The following RABGAP1L variants were observed in gnomAD, a reference collection of about 807,000 sequenced individuals.
RABGAP1L encodes the protein RAB GTPase activating protein 1 like, also known as rab GTPase-activating protein 1-like.
RABGAP1L carries 63 observed loss-of-function variants against 137.7 expected under a neutral mutation model. That is an observed-to-expected ratio of 0.46 (90% CI 0.37 to 0.56). RABGAP1L has a LOEUF of 0.56. Ranked by LOEUF, RABGAP1L falls within the 20% of genes least tolerant of loss-of-function variation. The pLI is 0.00. For missense variants in RABGAP1L, 1,095 were observed against 1,244.0 expected, an observed-to-expected ratio of 0.88 and a Z score of 1.80; for synonymous variants, 431 against 433.7, an observed-to-expected ratio of 0.99 and a Z score of 0.08.
chr1:174,455,168 G>C (rs1405549705), intron 13 of RABGAP1L, among the ~76,000 whole-genome samples: 1 of 152,086 alleles, frequency 6.6e-6, no homozygotes, highest in Non-Finnish European at 1.5e-5. Flanking sequence ...AGCCAAATTA[G>C]TTTTTGAGAT....
intron 20 of RABGAP1L, among the ~76,000 whole-genome samples, chr1:174,960,338 AAC>A (rs757084128): frequency 5.2e-4 from 79 of 152,352 alleles, no homozygotes; most frequent in Non-Finnish European, 9.3e-4. Flanking sequence ...GGTAGCTCTC[AAC>A]AGTCATACTT....
intron 10 of RABGAP1L, among the ~76,000 whole-genome samples, chr1:174,292,223 G>T (rs1365773288): frequency 6.7e-6 from 1 of 150,100 alleles, no homozygotes; most frequent in Non-Finnish European, 1.5e-5. Context: ...TATGGATGGG[G>T]TGTTGCTATG....
intron 19 of RABGAP1L, among the ~76,000 whole-genome samples, chr1:174,925,888 T>TG (rs746763318): frequency 0.17 from 18,001 of 108,018 alleles, 1,461 homozygotes; most frequent in South Asian, 0.22. Flanking sequence ...TTTTTTTTTG[T>TG]GTTTTTTTTT....
chr1:174,690,003 C>T (rs1211855352), intron 15 of RABGAP1L, among the ~76,000 whole-genome samples: 2 of 152,178 alleles, frequency 1.3e-5, no homozygotes, highest in Non-Finnish European at 2.9e-5. Flanking sequence ...AAGAAGCATT[C>T]ATTTTCCTAT....
intron 11 of RABGAP1L, among the ~76,000 whole-genome samples, chr1:174,351,139 C>G (rs1683149618): frequency 6.7e-6 from 1 of 149,924 alleles, no homozygotes; most frequent in Admixed American, 6.7e-5. Flanking sequence ...TTGTCTAACT[C>G]TTGAAAAGTT....
intron 19 of RABGAP1L, among the ~76,000 whole-genome samples, chr1:174,867,009 AC>A (rs1488660471): frequency 1.3e-5 from 2 of 151,606 alleles, no homozygotes; most frequent in Non-Finnish European, 2.9e-5. Context: ...GATCACTTGA[AC>A]CCAGGAGGTT....
intron 19 of RABGAP1L, among the ~76,000 whole-genome samples, chr1:174,870,129 A>G (rs1177380737): frequency 6.6e-6 from 1 of 152,188 alleles, no homozygotes; most frequent in Non-Finnish European, 1.5e-5. Flanking sequence ...GAATTTAGTA[A>G]TCTTCAATGA....
intron 14 of RABGAP1L, among the ~76,000 whole-genome samples, chr1:174,667,809 T>C (rs1280919446): frequency 6.6e-6 from 1 of 152,170 alleles, no homozygotes; most frequent in Non-Finnish European, 1.5e-5. Flanking sequence ...CACTGTGCAC[T>C]ATTTCATTGT....
At chr1:174,504,579 T>C (rs545653264) in intron 13 of RABGAP1L, among the ~76,000 whole-genome samples, 1 of 152,268 alleles carries the variant, frequency 6.6e-6, no homozygotes, top group Non-Finnish European at 1.5e-5. Context: ...AATACATTTA[T>C]AGTCAATTGA....
chr1:174,413,235 A>G (rs900450564), intron 13 of RABGAP1L, among the ~76,000 whole-genome samples: 3 of 152,186 alleles, frequency 2.0e-5, no homozygotes, highest in Non-Finnish European at 2.9e-5. Context: ...TCTTTCCTCA[A>G]CATGGTCTCT....
intron 1 of RABGAP1L, among the ~76,000 whole-genome samples, chr1:174,171,005 A>G (rs1029697733): frequency 3.3e-5 from 5 of 152,330 alleles, no homozygotes; most frequent in African/African-American, 7.2e-5. Flanking sequence ...ATCTATAAAG[A>G]CATATTTTGT....
intron 13 of RABGAP1L, among the ~76,000 whole-genome samples, chr1:174,628,304 T>C (rs1572588429): frequency 1.3e-5 from 2 of 152,176 alleles, no homozygotes; most frequent in African/African-American, 4.8e-5. Flanking sequence ...AAGGAATTGG[T>C]TTCATAATCA....
intron 19 of RABGAP1L, chr1:174,893,069 C>T: frequency 2.9e-6 from 1 of 339,454 alleles, no homozygotes; most frequent in Non-Finnish European, 6.0e-6. Context: ...TCTGATTTGT[C>T]CATTATCATT....
At chr1:174,503,132 A>G (rs1327612019) in intron 13 of RABGAP1L, among the ~76,000 whole-genome samples, 1 of 152,156 alleles carries the variant, frequency 6.6e-6, no homozygotes, top group Non-Finnish European at 1.5e-5. Flanking sequence ...TTTGCAAACT[A>G]TGACCTGGAG....
At chr1:174,477,129 G>A (rs1192343162) in intron 13 of RABGAP1L, among the ~76,000 whole-genome samples, 1 of 152,098 alleles carries the variant, frequency 6.6e-6, no homozygotes, top group African/African-American at 2.4e-5. Context: ...TCTCAGCCAG[G>A]TTATTATAAT....
At chr1:174,728,699 T>C (rs1271251561) in intron 17 of RABGAP1L, among the ~76,000 whole-genome samples, 1 of 148,230 alleles carries the variant, frequency 6.7e-6, no homozygotes, top group East Asian at 2.0e-4. Context: ...TGGAGTGCAG[T>C]GGTACGATCT....
At chr1:174,982,301 C>T (rs1671207235) in intron 23 of RABGAP1L, among the ~76,000 whole-genome samples, 1 of 152,146 alleles carries the variant, frequency 6.6e-6, no homozygotes, top group South Asian at 2.1e-4. Context: ...ACCCCTCCAC[C>T]AGGCCGCGGT....
intron 17 of RABGAP1L, among the ~76,000 whole-genome samples, chr1:174,728,049 A>G (rs981200189): frequency 2.6e-5 from 4 of 152,220 alleles, no homozygotes; most frequent in African/African-American, 9.6e-5. Context: ...GTTATACAGC[A>G]GTAACATTGC....
At chr1:174,359,555 G>A (rs986653367) in intron 11 of RABGAP1L, among the ~76,000 whole-genome samples, 3 of 152,076 alleles carry the variant, frequency 2.0e-5, no homozygotes, top group Non-Finnish European at 2.9e-5. Context: ...CCTTTAATGC[G>A]CCTAGCTTTT....
Sources: gnomAD v4.1 joint callset for allele counts (sites outside exome capture counted in the v4.1 genomes callset) on GRCh38, gnomAD v4.1.1 for gene constraint, MANE v1.5 for transcripts, NCBI Gene and HGNC (gene_info 2026-07-23, HGNC 2026-07-21) for gene names.